The following STON1 variants were observed in gnomAD, a reference collection of about 807,000 sequenced individuals.
STON1 encodes the protein stonin 1.
STON1 carries 79 observed loss-of-function variants against 60.9 expected under a neutral mutation model. The observed-to-expected ratio is 1.30, with a 90% CI of 1.08 to 1.56. The LOEUF (loss-of-function observed/expected upper bound fraction) is 1.56. STON1 is among the 40% of genes most tolerant of loss of function. The pLI is 0.00. For synonymous variants in STON1, 363 were observed against 306.9 expected, an observed-to-expected ratio of 1.18 and a Z score of -1.91; for missense variants, 1,166 against 858.9, an observed-to-expected ratio of 1.36 and a Z score of -4.47.
chr2:48,534,531 A>C (rs945260107), intron 1 of STON1, among the ~76,000 whole-genome samples: 2 of 152,216 alleles, frequency 1.3e-5, no homozygotes, highest in African/African-American at 4.8e-5. Context: ...ATGCTTTAGT[A>C]AGAACTGATG....
At chr2:48,564,337 C>G (rs1459739279) in intron 1 of STON1, among the ~76,000 whole-genome samples, 3 of 152,046 alleles carry the variant, frequency 2.0e-5, no homozygotes, top group Non-Finnish European at 4.4e-5. Flanking sequence ...TTGCAGATGG[C>G]TGATTTCTCA....
In STON1 at chr2:48,591,564, T is replaced by C. The variant is rs1039262577; in HGVS notation, c.1931-89T>C. The C allele has an allele frequency of 9.9e-6, 15 of 1,516,566 alleles. No homozygotes were observed. The African/African-American group carries it at 1.4e-4, about 14-fold the overall frequency. The allele number at this position is 1,516,566 out of a possible 1,614,324, so 93.9% of individuals were successfully genotyped here. On this transcript the variant is annotated intron_variant, in intron 2 of 3. Coordinates refer to ENST00000404752, the MANE Select transcript of STON1 (RefSeq NM_006873.4). ...CTGCAGTGCTAATGAAATTCCTTATTAAGGAGAGAGATGAGTGCCTTTTAT... is the reference window on the plus strand; with the variant it reads ...CTGCAGTGCTAATGAAATTCCTTATCAAGGAGAGAGATGAGTGCCTTTTAT...
chr2:48,532,853 A>T lies in STON1; in HGVS notation c.-48+2637A>T, dbSNP rs562645362. On this transcript the variant is annotated intron_variant, in intron 1 of 3. Transcript: ENST00000404752. Reference sequence around the variant, plus strand: ...TGGACAGGTCAGATGAGTTGGAAATATCAATACATGAAGTGTGGGACCAGT... The same window carrying T: ...TGGACAGGTCAGATGAGTTGGAAATTTCAATACATGAAGTGTGGGACCAGT... Among the ~76,000 whole-genome samples, 6 of 152,338 alleles carry T rather than the reference A, an allele frequency of 3.9e-5. No individual in the cohort carries two copies. In the South Asian group the frequency reaches 1.0e-3, roughly 26 times the overall value.
At chr2:48,586,074 G>C (rs1286484008) in intron 2 of STON1, among the ~76,000 whole-genome samples, 5 of 152,202 alleles carry the variant, frequency 3.3e-5, no homozygotes, top group Admixed American at 6.5e-5. Flanking sequence ...TAAGCACTTG[G>C]CTAAAGCCTG....
chr2:48,582,479 C>T lies in STON1; in HGVS notation c.1846C>T (p.Gln616Ter), dbSNP rs541869945. The change falls in exon 2 of 4, where the codon CAA becomes TAA. Residue 616 changes from glutamine to a stop codon, truncating the protein, a stop_gained. Transcript: ENST00000404752. LOFTEE classifies it high-confidence loss of function. ...GGAACTTGAATCTGAACCTGTCATT[C>T]AAGTCACTGTGGGGTCAGCAAAATA... ...LQELESEPVI[Q>*]VTVGSAKYES... The T allele has an allele frequency of 6.2e-7, 1 of 1,614,188 alleles. No individual in the cohort carries two copies. Among genetic ancestry groups the T allele is most frequent in the Non-Finnish European group, 8.5e-7 (1 of 1,179,982 alleles).
Position 48,564,581 on chromosome 2 carries a change from C to CCTT in STON1, c.-47-16004_-47-16003insTCT, listed in dbSNP as rs1480942550. On this transcript the variant is annotated intron_variant, in intron 1 of 3. Transcript: ENST00000404752. ...TTCTTCTTCTTCTCCTTCTCCTTCTCCTCCTCCTCCTCCTCCTCCTCCTTC... is the reference window on the plus strand; with the variant it reads ...TTCTTCTTCTTCTCCTTCTCCTTCTCCTTCTCCTCCTCCTCCTCCTCCTCCTTC... Among the ~76,000 whole-genome samples the CCTT allele has an allele frequency of 1.2e-3, 55 of 46,962 alleles. 16 individuals carry two copies. Among genetic ancestry groups the CCTT allele is most frequent in the African/African-American group, 2.4e-3 (33 of 13,874 alleles). 30.8% of individuals were successfully genotyped at this position (46,962 alleles called of 152,430 possible). A position where few individuals can be genotyped will look rare whatever the true frequency, so the allele number is the denominator to read the frequency against.
chr2:48,581,005 G>A lies in STON1; in HGVS notation c.372G>A (p.Leu124=), dbSNP rs766201827. ...TATCAGGAGGAGAATCTTCCTTACTGCCTACCAGACCAACATGTTTATCCC... is the reference window on the plus strand; with the variant it reads ...TATCAGGAGGAGAATCTTCCTTACTACCTACCAGACCAACATGTTTATCCC... The part of the protein sequence containing the change: ...LAISGGESSL[L]PTRPTCLSHA... The change falls in exon 2 of 4, where the codon CTG becomes CTA. Residue 124 remains leucine, a synonymous_variant. Transcript: ENST00000404752. The A allele has an allele frequency of 1.4e-5, 22 of 1,572,166 alleles. No individual in the cohort carries two copies. The highest frequency in any genetic ancestry group is 1.7e-5 in the Non-Finnish European group (20 of 1,162,492).
intron 1 of STON1, among the ~76,000 whole-genome samples, chr2:48,571,119 G>T (rs1265134548): frequency 6.6e-6 from 1 of 152,138 alleles, no homozygotes; most frequent in African/African-American, 2.4e-5. Context: ...GCCTTCCAAA[G>T]TGCTGGGATT....
chr2:48,535,245 C>A (rs561258828), intron 1 of STON1, among the ~76,000 whole-genome samples: 1 of 152,060 alleles, frequency 6.6e-6, no homozygotes, highest in East Asian at 1.9e-4. Flanking sequence ...AAAAAAAAAA[C>A]CTCATTGCTG....
At chr2:48,531,029 C>T (rs1188191138) in intron 1 of STON1, 3 of 152,174 alleles carry the variant, frequency 2.0e-5, no homozygotes, top group Non-Finnish European at 4.4e-5. Context: ...TTTCTAATAT[C>T]TAAAGACAGA....
intron 1 of STON1, among the ~76,000 whole-genome samples, chr2:48,548,275 G>A (rs1399110528): frequency 2.0e-5 from 3 of 152,152 alleles, no homozygotes; most frequent in Admixed American, 6.5e-5. Flanking sequence ...GGCTGCTTCT[G>A]CTACATGCTT....
intron 1 of STON1, among the ~76,000 whole-genome samples, chr2:48,556,720 G>A (rs867879653): frequency 2.2e-3 from 20 of 9,158 alleles, no homozygotes; most frequent in Admixed American, 4.0e-3. Flanking sequence ...CTCACCTCCC[G>A]GACGGGGCGG....
At chr2:48,579,634 A>T (rs1673755185) in intron 1 of STON1, among the ~76,000 whole-genome samples, 1 of 152,192 alleles carries the variant, frequency 6.6e-6, no homozygotes, top group African/African-American at 2.4e-5. Flanking sequence ...TTGTAACCTA[A>T]CGTGATCTGC....
chr2:48,581,986 C>G lies in STON1; in HGVS notation c.1353C>G (p.Asn451Lys). Residue 451 changes from asparagine to lysine, a missense_variant, in exon 2 of 4, where the codon AAC (asparagine) becomes AAG (lysine). By Grantham distance (94) the Asn-to-Lys change is moderately conservative. Coordinates refer to ENST00000404752, the MANE Select transcript of STON1 (RefSeq NM_006873.4). ...QIYCLCFVNG[N>K]LECFLTLNDL... ...ATTGCCTCTGCTTTGTGAATGGGAA[C>G]CTGGAATGCTTTTTAACCTTGAATG... 6.2e-7 allele frequency: 1 copy of G among 1,614,108 alleles called. No individual in the cohort carries two copies. The highest frequency in any genetic ancestry group is 1.3e-5 in the African/African-American group (1 of 75,010).
intron 1 of STON1, among the ~76,000 whole-genome samples, chr2:48,535,119 C>T (rs1035097637): frequency 2.6e-5 from 4 of 151,978 alleles, no homozygotes; most frequent in Admixed American, 2.0e-4. Context: ...TTCTTTGCAG[C>T]GTCAGGAGAG....
chr2:48,591,873 T>A lies in STON1; in HGVS notation c.2133+18T>A. 6.2e-7 allele frequency: 1 copy of A among 1,612,084 alleles called. No individual in the cohort carries two copies. Among genetic ancestry groups the A allele is most frequent in the Non-Finnish European group, 8.5e-7 (1 of 1,178,602 alleles). On this transcript the variant is annotated intron_variant, in intron 3 of 3. Coordinates refer to ENST00000404752, the MANE Select transcript of STON1 (RefSeq NM_006873.4). ...ACATCCAGGTACATCCCAAAACTTC[T>A]AGAACTGTGACCTGATTTGGCTTTA...
chr2:48,559,982 T>A (rs1221122950), intron 1 of STON1, among the ~76,000 whole-genome samples: 1 of 152,148 alleles, frequency 6.6e-6, no homozygotes, highest in Non-Finnish European at 1.5e-5. Context: ...GTTTTGTGTG[T>A]GGGAAGGAAT....
chr2:48,575,286 C>G (rs1479881076), intron 1 of STON1, among the ~76,000 whole-genome samples: 4 of 152,076 alleles, frequency 2.6e-5, no homozygotes, highest in Non-Finnish European at 5.9e-5. Flanking sequence ...AGGTTGTTTC[C>G]ATCTGTTGAC....
rs1330118780 is a variant in STON1 at position 48,595,769 on chromosome 2, C to G, written c.*467C>G. 1.2e-5 allele frequency: 2 copies of G among 165,126 alleles called. No homozygotes were observed. The highest frequency in any genetic ancestry group is 6.4e-5 in the Admixed American group (1 of 15,626). The allele number at this position is 165,126 out of a possible 1,614,324, so 10.2% of individuals were successfully genotyped here. On this transcript the variant is annotated 3_prime_UTR_variant, in exon 4 of 4. Coordinates refer to ENST00000404752, the MANE Select transcript of STON1 (RefSeq NM_006873.4). ...CCTCTTTCTTGCCTCTGAAATGTGG[C>G]TAGGTGTAGAATGATGTTGAAACCA...
Sources: allele counts gnomAD v4.1 joint callset (sites outside exome capture counted in the v4.1 genomes callset), GRCh38; gene constraint gnomAD v4.1.1; transcripts MANE v1.5; gene names NCBI Gene and HGNC (gene_info 2026-07-23, HGNC 2026-07-21).